The following DNAAF9 variants were observed in gnomAD, a reference collection of about 807,000 sequenced individuals.
The protein encoded by DNAAF9 is dynein axonemal assembly factor 9.
Under a neutral mutation model 167.0 loss-of-function variants are expected in DNAAF9, and 90 were observed. The observed-to-expected ratio is 0.54, with a 90% CI of 0.45 to 0.64. DNAAF9 has a LOEUF of 0.64. DNAAF9 is among the 30% of genes least tolerant of loss of function. The pLI is 0.00. For synonymous variants in DNAAF9, 491 were observed against 508.8 expected, an observed-to-expected ratio of 0.96 and a Z score of 0.47; for missense variants, 1,315 against 1,442.2, an observed-to-expected ratio of 0.91 and a Z score of 1.43.
intron 29 of DNAAF9, among the ~76,000 whole-genome samples, chr20:3,277,716 C>T (rs1172526490): frequency 6.6e-6 from 1 of 152,028 alleles, no homozygotes; most frequent in African/African-American, 2.4e-5. Flanking sequence ...ATGGACCTAC[C>T]CAATCTCCAT....
intron 29 of DNAAF9, among the ~76,000 whole-genome samples, chr20:3,275,696 T>C (rs2236088): frequency 0.25 from 38,146 of 152,170 alleles, 5,383 homozygotes; most frequent in African/African-American, 0.37. Context: ...GAACAGGCCA[T>C]AGTGAGCGGT....
In DNAAF9 at chr20:3,315,078, C is replaced by T. The variant is rs376700727; in HGVS notation, c.1633G>A (p.Gly545Arg). The change falls in exon 20 of 37, where the codon GGA (glycine) becomes AGA (arginine). Residue 545 changes from glycine (G) to arginine (R), a missense_variant. Gly to Arg is a moderately radical substitution (Grantham distance 125). Coordinates refer to ENST00000252032, the MANE Select transcript of DNAAF9 (RefSeq NM_001009984.3). The surrounding 1 kb of genome is among the most constrained non-coding windows in gnomAD (Gnocchi z 4.1). ...AGATTGCTGGAATAAAGATATGCTC[C>T]TTCTCCTCCTGTTAGATAAGTGCCC... ...FLGTYLTGGE[G>R]AYLYSSNLQS... The T allele has an allele frequency of 1.2e-6, 2 of 1,611,906 alleles. No homozygotes were observed. Among genetic ancestry groups the T allele is most frequent in the Non-Finnish European group, 1.7e-6 (2 of 1,177,974 alleles).
At position 3,324,940 on chromosome 20, in the gene DNAAF9, C is replaced by A; in HGVS notation, c.1217G>T (p.Gly406Val). 1 of 1,608,290 alleles carries A rather than the reference C, an allele frequency of 6.2e-7. No homozygotes were observed. Among genetic ancestry groups the A allele is most frequent in the South Asian group, 1.1e-5 (1 of 90,960 alleles). The change falls in exon 14 of 37, where the codon GGA (glycine) becomes GTA (valine). Residue 406 changes from glycine to valine, a missense_variant. Around this residue, in one of 2 missense-constraint regions of DNAAF9, gnomAD observed 981 missense variants for 1,012.5 expected, o/e 0.97. Transcript: ENST00000252032. ...KAKEVAEQTL[G>V]SGLDSFELIP... Reference sequence around the variant, plus strand: ...CAACTCAAAGGAATCTAACCCAGATCCCAGAGTTTGCTCTGCTACCTCCTT... The same window carrying A: ...CAACTCAAAGGAATCTAACCCAGATACCAGAGTTTGCTCTGCTACCTCCTT...
chr20:3,316,887 GTTCTTTTTTTT>G, intron 17 of DNAAF9, 94 bp from the exon 18 acceptor site: 2 of 456,480 alleles, frequency 4.4e-6, no homozygotes. Context: ...AGGAGCTAGG[GTTCTTTTTTTT>G]TTTTTTTTTT....
chr20:3,348,497 CT>C (rs757015344), intron 8 of DNAAF9, 27 bp downstream of exon 8: 3 of 1,171,778 alleles, frequency 2.6e-6, no homozygotes, highest in Non-Finnish European at 3.6e-6. Flanking sequence ...CCATTTTATT[CT>C]TCCTCTTTGA....
At chr20:3,360,880 C>T (rs561673284) in intron 6 of DNAAF9, among the ~76,000 whole-genome samples, 5 of 152,240 alleles carry the variant, frequency 3.3e-5, no homozygotes, top group Admixed American at 1.3e-4. Context: ...GGCCTTTCTC[C>T]GAGTTTAACC....
rs953074830 is a variant in DNAAF9, at chr20:3,381,562, T to C, written c.164-64A>G. The stretch of plus-strand genomic sequence containing the variant: ...TACAGGGAGCAAATGAGCCAATAAT[T>C]TGCCCCTGCTTAGCAAAACCCTGAT... On this transcript the variant is annotated intron_variant, in intron 2 of 36. Coordinates refer to ENST00000252032, the MANE Select transcript of DNAAF9 (RefSeq NM_001009984.3). The C allele has an allele frequency of 2.6e-6, 4 of 1,535,062 alleles. No homozygotes were observed. The African/African-American group carries it at 5.6e-5, about 21-fold the overall frequency.
At chr20:3,272,832 T>G (rs1486330132) in intron 29 of DNAAF9, among the ~76,000 whole-genome samples, 1 of 152,160 alleles carries the variant, frequency 6.6e-6, no homozygotes, top group East Asian at 1.9e-4. Context: ...TTATTATTAT[T>G]ATTTCTTGAG....
intron 10 of DNAAF9, 48 bp downstream of exon 10, chr20:3,340,456 C>CCCCCA: frequency 8.7e-7 from 1 of 1,152,354 alleles, no homozygotes; most frequent in Non-Finnish European, 1.2e-6. Flanking sequence ...CCCACCCCCA[C>CCCCCA]AACTTGATAA....
chr20:3,391,591 T>C (rs2083827496), intron 1 of DNAAF9, among the ~76,000 whole-genome samples: 1 of 149,704 alleles, frequency 6.7e-6, no homozygotes, highest in Non-Finnish European at 1.5e-5. Flanking sequence ...TTTTTTTTTT[T>C]TTTTTTGAGA....
At chr20:3,257,667 C>T (rs1372692527) in intron 33 of DNAAF9, among the ~76,000 whole-genome samples, 1 of 152,080 alleles carries the variant, frequency 6.6e-6, no homozygotes, top group Admixed American at 6.5e-5. Flanking sequence ...CCTCAGCCTC[C>T]CAAGTAGCTG....
intron 6 of DNAAF9, among the ~76,000 whole-genome samples, chr20:3,371,407 T>G (rs977233060): frequency 4.4e-4 from 63 of 143,006 alleles, no homozygotes; most frequent in Non-Finnish European, 7.3e-4. Context: ...GCAGTGGCGC[T>G]ATCTCGGCTC....
intron 11 of DNAAF9, among the ~76,000 whole-genome samples, chr20:3,331,380 T>G (rs904898831): frequency 6.6e-6 from 1 of 152,224 alleles, no homozygotes; most frequent in Admixed American, 6.5e-5. Context: ...CTGGCTTATT[T>G]AACATCATCC....
At chr20:3,377,529 T>C (rs1461376464) in intron 3 of DNAAF9, among the ~76,000 whole-genome samples, 3 of 151,920 alleles carry the variant, frequency 2.0e-5, no homozygotes, top group Middle Eastern at 3.4e-3. Context: ...TGGCATGATA[T>C]AGGTTCACTG....
Position 3,375,112 on chromosome 20 carries a change from T to C in DNAAF9, c.423A>G (p.Glu141=). ...CMTENEYEDE[E]AAEEFKITSF... is the part of the protein sequence containing the mutation. ...TGGTAATTTTAAATTCTTCTGCGGC[T>C]TCTTCATCTTCATACTGAAGAGACA... The change falls in exon 5 of 37, where the codon GAA becomes GAG. Residue 141 remains glutamate (E), a synonymous_variant. Coordinates refer to ENST00000252032, the MANE Select transcript of DNAAF9 (RefSeq NM_001009984.3). 6.2e-7 allele frequency: 1 copy of C among 1,601,792 alleles called. No individual in the cohort carries two copies. Among genetic ancestry groups the C allele is most frequent in the Non-Finnish European group, 8.6e-7 (1 of 1,168,850 alleles).
At chr20:3,257,042 T>C (rs948598153) in intron 33 of DNAAF9, among the ~76,000 whole-genome samples, 3 of 151,898 alleles carry the variant, frequency 2.0e-5, no homozygotes, top group Non-Finnish European at 4.4e-5. Context: ...TACAGCAGTG[T>C]TGCACGAAGG....
chr20:3,269,914 C>G (rs1346663547), intron 30 of DNAAF9, among the ~76,000 whole-genome samples: 1 of 150,826 alleles, frequency 6.6e-6, no homozygotes, highest in African/African-American at 2.4e-5. Context: ...GCCGAGATCG[C>G]GCCACTGCAC....
At chr20:3,269,037 G>A (rs1223791179) in intron 30 of DNAAF9, among the ~76,000 whole-genome samples, 1 of 150,536 alleles carries the variant, frequency 6.6e-6, no homozygotes, top group African/African-American at 2.4e-5. Flanking sequence ...CCAAGTAGCT[G>A]GGGCTACAGG....
At chr20:3,324,070 G>C (rs747987728) in intron 14 of DNAAF9, among the ~76,000 whole-genome samples, 12 of 152,160 alleles carry the variant, frequency 7.9e-5, no homozygotes, top group Non-Finnish European at 1.6e-4. Flanking sequence ...AGACCCAGGG[G>C]AAAGAAGACC....
Sources: allele counts gnomAD v4.1 joint callset (sites outside exome capture counted in the v4.1 genomes callset), GRCh38; gene constraint gnomAD v4.1.1; regional missense constraint gnomAD v4.1.1; non-coding constraint Gnocchi (gnomAD v3.1); transcripts MANE v1.5; gene names NCBI Gene and HGNC (gene_info 2026-07-23, HGNC 2026-07-21).